The following ANKRD16 variants were observed in gnomAD, a reference collection of about 807,000 sequenced individuals.
ANKRD16 encodes the protein ankyrin repeat domain-containing protein 16.
In ANKRD16, 35 loss-of-function variants were observed where a neutral mutation model predicts 37.9. The observed-to-expected ratio is 0.92, with a 90% CI of 0.71 to 1.23. ANKRD16 has a LOEUF of 1.23. Ranked by LOEUF, ANKRD16 falls within the 50% of genes most tolerant of loss-of-function variation. The pLI, the probability that ANKRD16 is intolerant of heterozygous loss-of-function variation, is 0.00. For synonymous variants in ANKRD16, 206 were observed against 197.2 expected, an observed-to-expected ratio of 1.04 and a Z score of -0.37; for missense variants, 480 against 469.9, an observed-to-expected ratio of 1.02 and a Z score of -0.20.
At chr10:5,888,321 A>G (rs1407697486) in intron 1 of ANKRD16, among the ~76,000 whole-genome samples, 2 of 152,240 alleles carry the variant, frequency 1.3e-5, no homozygotes, top group East Asian at 3.8e-4. Context: ...AAAGCAGCTT[A>G]TAAGCTAGTT....
At chr10:5,881,497 A>ACT (rs1171796945) in intron 5 of ANKRD16, among the ~76,000 whole-genome samples, 1 of 105,658 alleles carries the variant, frequency 9.5e-6, no homozygotes, top group Non-Finnish European at 1.9e-5. Flanking sequence ...ATGTAGTCTC[A>ACT]CTCTGTTGCT....
intron 7 of ANKRD16, among the ~76,000 whole-genome samples, chr10:5,875,474 G>A (rs925742771): frequency 6.6e-6 from 1 of 152,116 alleles, no homozygotes; most frequent in Non-Finnish European, 1.5e-5. Flanking sequence ...ATAAACTGGG[G>A]AAAGAAGATA....
In ANKRD16 at chr10:5,863,551, C is replaced by T. The variant is rs561125724; in HGVS notation, c.*34-860G>A. On this transcript the variant is annotated intron_variant, in intron 7 of 7. Coordinates refer to ENST00000380094, the MANE Select transcript of ANKRD16 (RefSeq NM_019046.3). This position sits in a 1 kb window ranked among gnomAD's most constrained non-coding sequence, Gnocchi z 4.7. Reference sequence around the variant, plus strand: ...CTGTAAAATGGACCAATCAGCAGGACGTGGGCGGGGACAAATAAGAGAATA... The same window carrying T: ...CTGTAAAATGGACCAATCAGCAGGATGTGGGCGGGGACAAATAAGAGAATA... Among the ~76,000 whole-genome samples the T allele has an allele frequency of 3.3e-5, 5 of 152,170 alleles. No homozygotes were observed. Among genetic ancestry groups the T allele is most frequent in the South Asian group, 2.1e-4 (1 of 4,810 alleles).
chr10:5,875,203 T>C (rs925657184), intron 7 of ANKRD16, among the ~76,000 whole-genome samples: 4 of 152,124 alleles, frequency 2.6e-5, no homozygotes, highest in Admixed American at 6.5e-5. Flanking sequence ...GGAATAATAA[T>C]GAGAAGGGGC....
chr10:5,872,713 C>T (rs972761377), intron 7 of ANKRD16, among the ~76,000 whole-genome samples: 2 of 151,492 alleles, frequency 1.3e-5, no homozygotes, highest in Non-Finnish European at 2.9e-5. Flanking sequence ...CCCGCCACCA[C>T]ACCCGGCTAA....
chr10:5,878,802 G>T lies in ANKRD16; in HGVS notation c.929-515C>A, dbSNP rs1034177655. ...CTCTGCCTCAAAAAAAAAAAAAAAA[G>T]AAAAAGAAACTTATCTAAAGCAAGA... On this transcript the variant is annotated intron_variant, in intron 6 of 7. Coordinates refer to ENST00000380094, the MANE Select transcript of ANKRD16 (RefSeq NM_019046.3). This position sits in a 1 kb window ranked among gnomAD's most constrained non-coding sequence, Gnocchi z 5.1. Among the ~76,000 whole-genome samples the T allele has an allele frequency of 7.8e-6, 1 of 128,350 alleles. No individual in the cohort carries two copies. The highest frequency in any genetic ancestry group is 1.7e-5 in the Non-Finnish European group (1 of 58,248). 84.2% of individuals were successfully genotyped at this position (128,350 alleles called of 152,430 possible).
chr10:5,887,461 G>T (rs1589027027), intron 2 of ANKRD16, among the ~76,000 whole-genome samples: 1 of 148,396 alleles, frequency 6.7e-6, no homozygotes, highest in East Asian at 2.0e-4. Flanking sequence ...TACAACCTCT[G>T]CCTCCTGGGT....
At chr10:5,884,992 T>A (rs1316883448) in intron 3 of ANKRD16, among the ~76,000 whole-genome samples, 1 of 152,166 alleles carries the variant, frequency 6.6e-6, no homozygotes, top group Non-Finnish European at 1.5e-5. Flanking sequence ...TCTTTACTCT[T>A]AAGCCAAATT....
At chr10:5,887,142 C>G (rs142723734) in intron 2 of ANKRD16, among the ~76,000 whole-genome samples, 1 of 152,260 alleles carries the variant, frequency 6.6e-6, no homozygotes, top group African/African-American at 2.4e-5. Flanking sequence ...CTACAACAAC[C>G]CTGAGACATA....
intron 7 of ANKRD16, among the ~76,000 whole-genome samples, chr10:5,872,604 T>G (rs1004157746): frequency 2.0e-5 from 3 of 152,166 alleles, no homozygotes; most frequent in South Asian, 2.1e-4. Flanking sequence ...TTGCCCAGGC[T>G]GGAGTGCAGT....
rs1842225645 is a variant in ANKRD16 at position 5,878,686 on chromosome 10, T to C, written c.929-399A>G. Among the ~76,000 whole-genome samples the C allele has an allele frequency of 1.3e-5, 2 of 150,540 alleles. No homozygotes were observed. Among genetic ancestry groups the C allele is most frequent in the Admixed American group, 1.3e-4 (2 of 15,068 alleles). On this transcript the variant is annotated intron_variant, in intron 6 of 7. Transcript: ENST00000380094. This position sits in a 1 kb window ranked among gnomAD's most constrained non-coding sequence, Gnocchi z 5.1. ...GGTGGTGCATGCCTGTAATCCCAGC[T>C]ACTCGGGAGGCTGAGGCAGGAAAAT...
chr10:5,872,769 G>C (rs538101682), intron 7 of ANKRD16, among the ~76,000 whole-genome samples: 6 of 151,930 alleles, frequency 3.9e-5, no homozygotes, highest in African/African-American at 7.3e-5. Context: ...TGTTAGCCAA[G>C]ATGGTCTTAA....
In ANKRD16 at chr10:5,878,133, T is replaced by C. The variant is rs1842213049; in HGVS notation, c.1083A>G (p.Thr361=). 6.2e-7 allele frequency: 1 copy of C among 1,613,802 alleles called. No individual in the cohort carries two copies. The highest frequency in any genetic ancestry group is 8.5e-7 in the Non-Finnish European group (1 of 1,179,858). ...TTGCCTCCTCTTGGAAACATCCTTATGTCATTGCGCTATGGCCAGAGCCCT... is the reference window on the plus strand; with the variant it reads ...TTGCCTCCTCTTGGAAACATCCTTACGTCATTGCGCTATGGCCAGAGCCCT... ...VLQGSGHSAM[T] Residue 361 remains threonine (T), a synonymous_variant, in exon 7 of 8, where the codon ACA becomes ACG. Coordinates refer to ENST00000380094, the MANE Select transcript of ANKRD16 (RefSeq NM_019046.3). This position sits in a 1 kb window ranked among gnomAD's most constrained non-coding sequence, Gnocchi z 5.1.
chr10:5,873,579 A>G (rs1376295838), intron 7 of ANKRD16, among the ~76,000 whole-genome samples: 6 of 152,176 alleles, frequency 3.9e-5, no homozygotes, highest in African/African-American at 9.7e-5. Context: ...GTATTTTACA[A>G]TAGGCCTTAC....
At position 5,878,361 on chromosome 10, in the gene ANKRD16, G is replaced by A. The variant is rs1842219245; in HGVS notation, c.929-74C>T. On this transcript the variant is annotated intron_variant, in intron 6 of 7. Transcript: ENST00000380094. This position sits in a 1 kb window ranked among gnomAD's most constrained non-coding sequence, Gnocchi z 5.1. ...AATACTGACCTCATGAGTTGATAGTGCCCAATAAAAATATCAATTCTTTCA... is the reference window on the plus strand; with the variant it reads ...AATACTGACCTCATGAGTTGATAGTACCCAATAAAAATATCAATTCTTTCA... 1 of 1,314,402 alleles carries A rather than the reference G, an allele frequency of 7.6e-7. No homozygotes were observed. The highest frequency in any genetic ancestry group is 1.5e-5 in the African/African-American group (1 of 67,118). 81.4% of individuals were successfully genotyped at this position (1,314,402 alleles called of 1,614,324 possible). A position where few individuals can be genotyped will look rare whatever the true frequency, so the allele number is the denominator to read the frequency against.
Position 5,880,330 on chromosome 10 carries a change from T to C in ANKRD16, c.896A>G (p.Asp299Gly). The C allele has an allele frequency of 6.2e-7, 1 of 1,604,432 alleles. No individual in the cohort carries two copies. The highest frequency in any genetic ancestry group is 1.1e-5 in the South Asian group (1 of 88,658). The change falls in exon 6 of 8, where the codon GAC becomes GGC. Residue 299 changes from aspartate to glycine, a missense_variant. Physicochemically the swap from Asp to Gly is moderately conservative, Grantham distance 94. Coordinates refer to ENST00000380094, the MANE Select transcript of ANKRD16 (RefSeq NM_019046.3). ...TIQTLLSLGA[D>G]INSKDEKNRS... ...ATTTTTTTCATCTTTAGAATTGATGTCAGCTCCCAAGGATAAGAGAGTCTG... is the reference window on the plus strand; with the variant it reads ...ATTTTTTTCATCTTTAGAATTGATGCCAGCTCCCAAGGATAAGAGAGTCTG...
In ANKRD16 at chr10:5,871,567, C is replaced by T. The variant is rs1842090586; in HGVS notation, c.*33+6530G>A. Among the ~76,000 whole-genome samples the T allele has an allele frequency of 6.6e-6, 1 of 152,318 alleles. No homozygotes were observed. Among genetic ancestry groups the T allele is most frequent in the East Asian group, 1.9e-4 (1 of 5,192 alleles). On this transcript the variant is annotated intron_variant, in intron 7 of 7. Coordinates refer to ENST00000380094, the MANE Select transcript of ANKRD16 (RefSeq NM_019046.3). The surrounding 1 kb of genome is among the most constrained non-coding windows in gnomAD (Gnocchi z 4.5). ...CACAAATCCCCCACCCTCCTAGATA[C>T]TGGCATTGAATGAGGCGCCCACGTG... is the stretch of plus-strand genomic sequence containing the variant.
At chr10:5,887,383 T>TG (rs1312005863) in intron 2 of ANKRD16, among the ~76,000 whole-genome samples, 1 of 151,856 alleles carries the variant, frequency 6.6e-6, no homozygotes, top group Non-Finnish European at 1.5e-5. Context: ...GCTTTTTTTT[T>TG]TTTTTTGAGA....
Position 5,871,346 on chromosome 10 carries a change from C to T in ANKRD16, c.*33+6751G>A, listed in dbSNP as rs1386014204. On this transcript the variant is annotated intron_variant, in intron 7 of 7. Coordinates refer to ENST00000380094, the MANE Select transcript of ANKRD16 (RefSeq NM_019046.3). The surrounding 1 kb of genome is among the most constrained non-coding windows in gnomAD (Gnocchi z 4.5). ...AGGTTGCTGTGAGCCGAGATTGAGCCATTGCACTCTAGCCTGGGCGACAGA... is the reference window on the plus strand; with the variant it reads ...AGGTTGCTGTGAGCCGAGATTGAGCTATTGCACTCTAGCCTGGGCGACAGA... 6.6e-6 allele frequency among the ~76,000 whole-genome samples: 1 copy of T among 151,976 alleles called. No homozygotes were observed. The highest frequency in any genetic ancestry group is 1.5e-5 in the Non-Finnish European group (1 of 68,008).
Sources: allele counts gnomAD v4.1 joint callset (sites outside exome capture counted in the v4.1 genomes callset), GRCh38; gene constraint gnomAD v4.1.1; non-coding constraint Gnocchi (gnomAD v3.1); transcripts MANE v1.5; gene names NCBI Gene and HGNC (gene_info 2026-07-23, HGNC 2026-07-21).